Variants in CATSPERE observed in about 807,000 individuals in gnomAD.
The protein encoded by CATSPERE is cation channel sperm-associated auxiliary subunit epsilon.
Under a neutral mutation model 114.1 loss-of-function variants are expected in CATSPERE, and 93 were observed. The ratio of observed to expected loss-of-function variants is 0.81; its 90% CI spans 0.69 to 0.97. The LOEUF is 0.97. Among genes scored for constraint, CATSPERE ranks in the 50% least tolerant of loss-of-function variants. The pLI is 0.00. For missense variants in CATSPERE, 1,058 were observed against 1,131.6 expected, an observed-to-expected ratio of 0.93 and a Z score of 0.93; for synonymous variants, 341 against 384.1, an observed-to-expected ratio of 0.89 and a Z score of 1.31.
In CATSPERE at chr1:244,560,759, C is replaced by A. The variant is rs369351605; in HGVS notation, c.1121C>A (p.Thr374Asn). Residue 374 changes from threonine (T) to asparagine (N), a missense_variant, in exon 10 of 22, where the codon ACC becomes AAC. Physicochemically the swap from Thr to Asn is moderately conservative, Grantham distance 65. This residue lies in a region of CATSPERE where 787 missense variants were observed against 905.6 expected (regional missense o/e 0.87). Transcript: ENST00000366534. The stretch of plus-strand genomic sequence containing the variant: ...CTTAAGTTTGCCAGATTAGTAACTA[C>A]CACAGAACTGAAAAACATCCTAAGT... ...ILLKFARLVT[T>N]TELKNILSLS... 5 of 1,614,004 alleles carry A rather than the reference C, an allele frequency of 3.1e-6. No homozygotes were observed. Among genetic ancestry groups the A allele is most frequent in the Non-Finnish European group, 4.2e-6 (5 of 1,179,958 alleles).
At chr1:244,597,534 C>CTTTTTTTT (rs34454607) in intron 17 of CATSPERE, among the ~76,000 whole-genome samples, 2 of 128,178 alleles carry the variant, frequency 1.6e-5, no homozygotes, top group African/African-American at 3.0e-5. Flanking sequence ...TCCCTGATTT[C>CTTTTTTTT]TTTTTTTTTT....
chr1:244,535,221 C>T (rs1680201994), intron 8 of CATSPERE, among the ~76,000 whole-genome samples: 1 of 152,174 alleles, frequency 6.6e-6, no homozygotes. Context: ...CTGAATCTTG[C>T]ATAGCACTGG....
upstream of CATSPERE, among the ~76,000 whole-genome samples, chr1:244,460,666 C>T (rs576754623): frequency 6.6e-6 from 1 of 152,272 alleles, no homozygotes; most frequent in Non-Finnish European, 1.5e-5. Flanking sequence ...GTAATCCCAG[C>T]ACTTTGGGAG....
chr1:244,604,254 C>T (rs1669674717), intron 17 of CATSPERE, among the ~76,000 whole-genome samples: 1 of 152,206 alleles, frequency 6.6e-6, no homozygotes, highest in Non-Finnish European at 1.5e-5. Flanking sequence ...TCCTCCAATC[C>T]CTAGCTAGTC....
intron 6 of CATSPERE, among the ~76,000 whole-genome samples, chr1:244,498,712 A>G (rs750177559): frequency 6.6e-6 from 1 of 152,152 alleles, no homozygotes; most frequent in Non-Finnish European, 1.5e-5. Context: ...AACCTGGCCA[A>G]CATGGTGAAA....
chr1:244,478,845 T>C (rs1043516134), intron 4 of CATSPERE, among the ~76,000 whole-genome samples: 9 of 151,648 alleles, frequency 5.9e-5, no homozygotes, highest in African/African-American at 2.2e-4. Context: ...CTGGCCAACA[T>C]AGTGAAACCC....
chr1:244,594,585 C>T (rs933386376), intron 17 of CATSPERE, among the ~76,000 whole-genome samples: 2 of 152,096 alleles, frequency 1.3e-5, no homozygotes, highest in Admixed American at 6.5e-5. Context: ...GGTCACGAGT[C>T]CAGGTATGCT....
intron 19 of CATSPERE, among the ~76,000 whole-genome samples, chr1:244,612,605 T>A (rs775172120): frequency 1.9e-4 from 29 of 152,200 alleles, no homozygotes; most frequent in Non-Finnish European, 4.1e-4. Flanking sequence ...CTGAAAATAC[T>A]AGACTGGGAA....
intron 10 of CATSPERE, among the ~76,000 whole-genome samples, chr1:244,570,187 TAGGAAATA>T (rs1005666257): frequency 2.0e-5 from 3 of 152,178 alleles, no homozygotes; most frequent in African/African-American, 7.2e-5. Flanking sequence ...CTTGTCTTTC[TAGGAAATA>T]ATTCATTTTA....
At chr1:244,588,997 A>G (rs1667384620) in intron 14 of CATSPERE, among the ~76,000 whole-genome samples, 1 of 152,208 alleles carries the variant, frequency 6.6e-6, no homozygotes, top group Non-Finnish European at 1.5e-5. Context: ...TCTTAGAACA[A>G]GCCTAGCAGA....
At chr1:244,469,789 A>G (rs1353985222) in intron 2 of CATSPERE, among the ~76,000 whole-genome samples, 1 of 152,202 alleles carries the variant, frequency 6.6e-6, no homozygotes, top group Non-Finnish European at 1.5e-5. Flanking sequence ...TGACGTTTAT[A>G]CAATTGGTCA....
At chr1:244,534,035 T>C (rs1295669163) in intron 8 of CATSPERE, among the ~76,000 whole-genome samples, 1 of 152,156 alleles carries the variant, frequency 6.6e-6, no homozygotes, top group Non-Finnish European at 1.5e-5. Context: ...AGATTTACTA[T>C]TCTAGGGTAC....
At chr1:244,625,502 C>T (rs1673072387) in intron 20 of CATSPERE, among the ~76,000 whole-genome samples, 1 of 127,874 alleles carries the variant, frequency 7.8e-6, no homozygotes, top group African/African-American at 3.0e-5. Context: ...GATCTCGGCT[C>T]ACTGCAACCT....
At chr1:244,621,188 G>A (rs191078725) in intron 20 of CATSPERE, among the ~76,000 whole-genome samples, 2,744 of 13,434 alleles carry the variant, frequency 0.2, 570 homozygotes, top group African/African-American at 0.41. Context: ...TATTTATATA[G>A]ATATATTTAT....
intron 9 of CATSPERE, 23 bp from the exon 10 acceptor site, chr1:244,560,645 C>T: frequency 4.5e-6 from 6 of 1,343,968 alleles, no homozygotes; most frequent in Non-Finnish European, 5.9e-6. Context: ...AGATCTTTCT[C>T]ATCATTTTTC....
chr1:244,469,255 A>G (rs1367847507), intron 2 of CATSPERE, among the ~76,000 whole-genome samples: 1 of 152,176 alleles, frequency 6.6e-6, no homozygotes, highest in Non-Finnish European at 1.5e-5. Flanking sequence ...ATAAATTAGT[A>G]TAATTTAGAC....
intron 2 of CATSPERE, among the ~76,000 whole-genome samples, chr1:244,469,894 T>C (rs1668198018): frequency 1.3e-5 from 2 of 151,844 alleles, no homozygotes; most frequent in East Asian, 3.9e-4. Flanking sequence ...GAATTGAGAG[T>C]TCAGAAATAA....
At chr1:244,512,504 TTCC>T (rs1675940732) in intron 7 of CATSPERE, among the ~76,000 whole-genome samples, 1 of 152,184 alleles carries the variant, frequency 6.6e-6, no homozygotes, top group South Asian at 2.1e-4. Flanking sequence ...GTTTCTTTTT[TTCC>T]TCCTCCCTCT....
At chr1:244,456,373 C>T (rs1274301698), upstream of CATSPERE, among the ~76,000 whole-genome samples, 1 of 152,032 alleles carries the variant, frequency 6.6e-6, no homozygotes, top group Non-Finnish European at 1.5e-5. Context: ...AATTAAGAAA[C>T]TGGCAAACAA....
Sources: gnomAD v4.1 joint callset for allele counts (sites outside exome capture counted in the v4.1 genomes callset) on GRCh38, gnomAD v4.1.1 for gene constraint, gnomAD v4.1.1 regional missense constraint, MANE v1.5 for transcripts, NCBI Gene and HGNC (gene_info 2026-07-23, HGNC 2026-07-21) for gene names.